MSI2: variants seen among roughly 807,000 people sequenced by gnomAD.
MSI2 encodes musashi RNA binding protein 2.
MSI2 carries 17 observed loss-of-function variants against 45.6 expected under a neutral mutation model. That is an observed-to-expected ratio of 0.37 (90% CI 0.26 to 0.56). The LOEUF (loss-of-function observed/expected upper bound fraction) is 0.56, where lower values mean the gene tolerates loss of function less well. Among genes scored for constraint, MSI2 ranks in the 20% least tolerant of loss-of-function variants. The pLI, the probability that MSI2 is intolerant of heterozygous loss-of-function variation, is 0.77. For missense variants in MSI2, 293 were observed against 444.2 expected, an observed-to-expected ratio of 0.66 and a Z score of 3.06; for synonymous variants, 156 against 158.2, an observed-to-expected ratio of 0.99 and a Z score of 0.11.
At chr17:57,588,950 G>A (rs1214794852) in intron 7 of MSI2, among the ~76,000 whole-genome samples, 3 of 152,232 alleles carry the variant, frequency 2.0e-5, no homozygotes, top group Non-Finnish European at 4.4e-5. Flanking sequence ...TCCCCAGGGT[G>A]GGGCTGGGGG....
At chr17:57,355,840 T>C (rs746482949) in intron 5 of MSI2, among the ~76,000 whole-genome samples, 4 of 152,212 alleles carry the variant, frequency 2.6e-5, no homozygotes, top group Non-Finnish European at 5.9e-5. Context: ...ATCCATCAAA[T>C]ACTTTGGAAG....
chr17:57,499,415 T>C (rs1295349875), intron 6 of MSI2, among the ~76,000 whole-genome samples: 1 of 150,368 alleles, frequency 6.7e-6, no homozygotes, highest in Non-Finnish European at 1.5e-5. Flanking sequence ...GGCAATTCTG[T>C]ATGCATTCTT....
intron 8 of MSI2, among the ~76,000 whole-genome samples, chr17:57,607,237 C>T (rs939972553): frequency 7.2e-5 from 11 of 152,192 alleles, no homozygotes; most frequent in African/African-American, 2.7e-4. Context: ...ATAAACAGTG[C>T]GTGCCTTCCT....
At chr17:57,422,741 C>T (rs7224156) in intron 6 of MSI2, among the ~76,000 whole-genome samples, 35,117 of 152,178 alleles carry the variant, frequency 0.23, 4,285 homozygotes, top group Non-Finnish European at 0.27. Flanking sequence ...TAAATCAGTA[C>T]AGCGTAAATC....
At chr17:57,337,629 G>T (rs1914784308) in intron 5 of MSI2, among the ~76,000 whole-genome samples, 1 of 152,140 alleles carries the variant, frequency 6.6e-6, no homozygotes, top group Non-Finnish European at 1.5e-5. Flanking sequence ...TGGCACCACG[G>T]TCGAGTCCTT....
At chr17:57,411,151 T>C (rs531832799) in intron 6 of MSI2, among the ~76,000 whole-genome samples, 143 of 152,208 alleles carry the variant, frequency 9.4e-4, no homozygotes, top group African/African-American at 3.2e-3. Flanking sequence ...ACTACAGGCA[T>C]GCACCACCAT....
At chr17:57,656,131 G>A (rs1422270565) in intron 11 of MSI2, among the ~76,000 whole-genome samples, 1 of 152,084 alleles carries the variant, frequency 6.6e-6, no homozygotes, top group Non-Finnish European at 1.5e-5. Flanking sequence ...GCGGGGACCA[G>A]GAAGAGAAGG....
chr17:57,537,742 G>A (rs1331752669), intron 7 of MSI2, among the ~76,000 whole-genome samples: 1 of 152,132 alleles, frequency 6.6e-6, no homozygotes, highest in Admixed American at 6.5e-5. Flanking sequence ...CTGTTCACCT[G>A]CTCTTCTTTG....
intron 5 of MSI2, among the ~76,000 whole-genome samples, chr17:57,374,325 A>G (rs1433765777): frequency 2.0e-5 from 3 of 152,220 alleles, no homozygotes; most frequent in Non-Finnish European, 4.4e-5. Context: ...TCCAATTCCA[A>G]CTTGAGTATT....
chr17:57,527,666 A>G (rs1275692657), intron 6 of MSI2, among the ~76,000 whole-genome samples: 1 of 152,224 alleles, frequency 6.6e-6, no homozygotes, highest in Non-Finnish European at 1.5e-5. Flanking sequence ...GGAAGGCCCC[A>G]GGAGCCTGTT....
In MSI2 at chr17:57,491,525, A is replaced by G. The variant is rs544756527; in HGVS notation, c.406-38151A>G. 3.9e-4 allele frequency among the ~76,000 whole-genome samples: 60 copies of G among 152,312 alleles called. 1 individual carries two copies. Among genetic ancestry groups the G allele is most frequent in the African/African-American group, 1.4e-3 (58 of 41,568 alleles). ...GACCTCGGATAAATGGAATATAGACATGTTACATCTCCTGATGCAGAGCTC... is the reference window on the plus strand; with the variant it reads ...GACCTCGGATAAATGGAATATAGACGTGTTACATCTCCTGATGCAGAGCTC... On this transcript the variant is annotated intron_variant, in intron 6 of 13. Transcript: ENST00000284073.
At chr17:57,409,791 G>A (rs193247974) in intron 6 of MSI2, among the ~76,000 whole-genome samples, 3 of 152,142 alleles carry the variant, frequency 2.0e-5, no homozygotes, top group Admixed American at 1.3e-4. Context: ...GGCGAATCAT[G>A]AGGTCAGGAG....
chr17:57,426,391 G>A (rs77103835), intron 6 of MSI2, among the ~76,000 whole-genome samples: 5,369 of 152,148 alleles, frequency 0.035, 112 homozygotes, highest in Middle Eastern at 0.085. Context: ...TCAGCTTGTT[G>A]CCTGTTTATC....
intron 5 of MSI2, among the ~76,000 whole-genome samples, chr17:57,294,275 C>T (rs1316846562): frequency 1.3e-5 from 2 of 152,076 alleles, no homozygotes; most frequent in Non-Finnish European, 2.9e-5. Flanking sequence ...GTTGTTTGCT[C>T]CAGTATAGCA....
intron 6 of MSI2, among the ~76,000 whole-genome samples, chr17:57,488,586 G>T (rs528532251): frequency 1.3e-5 from 2 of 152,130 alleles, no homozygotes; most frequent in Non-Finnish European, 2.9e-5. Flanking sequence ...ACTTTGGGAG[G>T]CCAAGGTGGG....
At chr17:57,327,061 C>T (rs1325100625) in intron 5 of MSI2, among the ~76,000 whole-genome samples, 1 of 152,148 alleles carries the variant, frequency 6.6e-6, no homozygotes, top group African/African-American at 2.4e-5. Flanking sequence ...AGAAACAGAC[C>T]ATCCACTGGA....
intron 6 of MSI2, among the ~76,000 whole-genome samples, chr17:57,479,241 T>C (rs1254577486): frequency 6.6e-6 from 1 of 152,134 alleles, no homozygotes. Context: ...AAGCCATTTT[T>C]TGGGAATGGG....
Position 57,468,470 on chromosome 17 carries a change from A to G in MSI2, c.406-61206A>G, listed in dbSNP as rs564524148. On this transcript the variant is annotated intron_variant, in intron 6 of 13. Transcript: ENST00000284073. ...TGGGAGGCGGAGCTTGCAGTGAGCC[A>G]AGATTGCGCCACTGCACTCCAGCCT... Among the ~76,000 whole-genome samples, 38 of 150,822 alleles carry G rather than the reference A, an allele frequency of 2.5e-4. No homozygotes were observed. In the East Asian group the frequency reaches 5.1e-3, roughly 20 times the overall value.
intron 6 of MSI2, among the ~76,000 whole-genome samples, chr17:57,515,350 C>T (rs1370937158): frequency 6.6e-6 from 1 of 152,042 alleles, no homozygotes; most frequent in Non-Finnish European, 1.5e-5. Context: ...ATTACAGGCG[C>T]CTGTCACCAT....
Sources: gnomAD v4.1 joint callset for allele counts (sites outside exome capture counted in the v4.1 genomes callset) on GRCh38, gnomAD v4.1.1 for gene constraint, MANE v1.5 for transcripts, NCBI Gene and HGNC (gene_info 2026-07-23, HGNC 2026-07-21) for gene names.